Variants in CCDC85C observed in about 807,000 individuals in gnomAD.
CCDC85C encodes coiled-coil domain-containing protein 85C.
Under a neutral mutation model 38.3 loss-of-function variants are expected in CCDC85C, and 18 were observed. The ratio of observed to expected loss-of-function variants is 0.47; its 90% confidence interval spans 0.33 to 0.70. The LOEUF is 0.70. CCDC85C is among the 30% of genes least tolerant of loss of function. The probability of loss-of-function intolerance (pLI) is 0.03; values close to 1 mark genes in which losing one functional copy is unlikely to be tolerated. For missense variants in CCDC85C, 566 were observed against 621.2 expected, an observed-to-expected ratio of 0.91 and a Z score of 0.94; for synonymous variants, 264 against 293.8, an observed-to-expected ratio of 0.90 and a Z score of 1.04.
At chr14:99,536,160 G>A in intron 1 of CCDC85C, 72 bp from the exon 2 acceptor site, 1 of 1,065,386 alleles carries the variant, frequency 9.4e-7, no homozygotes, top group Non-Finnish European at 1.4e-6. Context: ...ACCCCGACTG[G>A]CCCCAGACCC....
rs974176589 is a variant in CCDC85C, at chr14:99,516,215, C to T, written c.1143G>A (p.Glu381=). The part of the protein sequence containing the change: ...DSCEEDLSEK[E]KAIVREMCNV... ...TGCACATCTCGCGAACGATGGCCTTCTCCTTCTCACTCAGGTCCTCCTCAC... is the reference window on the plus strand; with the variant it reads ...TGCACATCTCGCGAACGATGGCCTTTTCCTTCTCACTCAGGTCCTCCTCAC... Residue 381 remains glutamate, a synonymous_variant, in exon 5 of 6, where the codon GAG becomes GAA. Coordinates refer to ENST00000380243, the MANE Select transcript of CCDC85C (RefSeq NM_001144995.2). The surrounding 1 kb of genome is among the most constrained non-coding windows in gnomAD (Gnocchi z 5.5). 15 of 1,551,220 alleles carry T rather than the reference C, an allele frequency of 9.7e-6. No homozygotes were observed. Among genetic ancestry groups the T allele is most frequent in the Non-Finnish European group, 1.2e-5 (14 of 1,146,952 alleles).
rs778352010 is a variant in CCDC85C, at chr14:99,501,320, A to G, written c.*13926T>C. On this transcript the variant is annotated 3_prime_UTR_variant, in exon 6 of 6. Transcript: ENST00000380243. Reference sequence around the variant, plus strand: ...CTTGATGCTGCCTGTGAATTTTTCTATTGCTATTAATTTACCTTTTTGTCC... The same window carrying G: ...CTTGATGCTGCCTGTGAATTTTTCTGTTGCTATTAATTTACCTTTTTGTCC... The G allele has an allele frequency of 2.7e-5, 37 of 1,367,078 alleles. No individual in the cohort carries two copies. In the African/African-American group the frequency reaches 4.3e-4, roughly 16 times the overall value. 84.7% of individuals were successfully genotyped at this position (1,367,078 alleles called of 1,614,324 possible).
rs1595325494 is a variant in CCDC85C at position 99,507,199 on chromosome 14, T to C, written c.*8047A>G. The C allele has an allele frequency of 1.9e-6, 2 of 1,072,532 alleles. No homozygotes were observed. The highest frequency in any genetic ancestry group is 4.7e-5 in the East Asian group (2 of 42,514). The allele number at this position is 1,072,532 out of a possible 1,614,324, so 66.4% of individuals were successfully genotyped here. On this transcript the variant is annotated 3_prime_UTR_variant, in exon 6 of 6. Coordinates refer to ENST00000380243, the MANE Select transcript of CCDC85C (RefSeq NM_001144995.2). ...CAGCTGTGCACATCGCCTCTGAATG[T>C]TGGACGCAGCAGGTCCTGGGAACTT...
chr14:99,577,521 C>T (rs959671551), intron 1 of CCDC85C, among the ~76,000 whole-genome samples: 19 of 151,878 alleles, frequency 1.3e-4, no homozygotes, highest in African/African-American at 3.9e-4. Context: ...AAATGGGCTC[C>T]GGGACACCCC....
Position 99,502,064 on chromosome 14 carries a change from CTT to C in CCDC85C, c.*13180_*13181del, listed in dbSNP as rs55746165. The stretch of plus-strand genomic sequence containing the variant: ...TCGGGTACCTTTAGAAGAGTAAAGA[CTT>C]GAGTTTATTTATTTATAGTACTTTA... On this transcript the variant is annotated 3_prime_UTR_variant, in exon 6 of 6. Transcript: ENST00000380243. 0.43 allele frequency: 392,845 copies of C among 918,458 alleles called. 85,667 individuals are homozygous for C. The highest frequency in any genetic ancestry group is 0.56 in the East Asian group (19,292 of 34,468). The allele number at this position is 918,458 out of a possible 1,614,324, so 56.9% of individuals were successfully genotyped here.
At chr14:99,580,008 A>G (rs903630736) in intron 1 of CCDC85C, 10 of 455,124 alleles carry the variant, frequency 2.2e-5, no homozygotes, top group Admixed American at 1.4e-4. Context: ...CAAACCCCAC[A>G]TACCCCACAT....
At position 99,503,214 on chromosome 14, in the gene CCDC85C, G is replaced by T; in HGVS notation, c.*12032C>A. 1 of 685,256 alleles carries T rather than the reference G, an allele frequency of 1.5e-6. No homozygotes were observed. The highest frequency in any genetic ancestry group is 2.7e-5 in the East Asian group (1 of 37,080). 42.4% of individuals were successfully genotyped at this position (685,256 alleles called of 1,614,324 possible). ...CTCTCTGCCCGGCTCCAGCCCTGCT[G>T]CCTGTTTCATCCCTGCCAGGGTTCT... is the stretch of plus-strand genomic sequence containing the variant. On this transcript the variant is annotated 3_prime_UTR_variant, in exon 6 of 6. Coordinates refer to ENST00000380243, the MANE Select transcript of CCDC85C (RefSeq NM_001144995.2).
At chr14:99,563,522 G>A (rs966365081) in intron 1 of CCDC85C, among the ~76,000 whole-genome samples, 1 of 152,274 alleles carries the variant, frequency 6.6e-6, no homozygotes, top group East Asian at 1.9e-4. Flanking sequence ...AACTCGGGCA[G>A]GTACATCCCC....
In CCDC85C at chr14:99,545,812, G is replaced by A. The variant is rs1355671388; in HGVS notation, c.794-9724C>T. 6.6e-6 allele frequency among the ~76,000 whole-genome samples: 1 copy of A among 152,076 alleles called. No homozygotes were observed. Among genetic ancestry groups the A allele is most frequent in the Non-Finnish European group, 1.5e-5 (1 of 68,024 alleles). ...CTTTTAAAATCTGATCTCTTCCCCT[G>A]AGACTAACTGGACACTCTAGGGGAG... On this transcript the variant is annotated intron_variant, in intron 1 of 5. Transcript: ENST00000380243. The surrounding 1 kb of genome is among the most constrained non-coding windows in gnomAD (Gnocchi z 4.7).
intron 1 of CCDC85C, among the ~76,000 whole-genome samples, chr14:99,579,072 C>T (rs1278516536): frequency 6.6e-6 from 1 of 152,204 alleles, no homozygotes; most frequent in Non-Finnish European, 1.5e-5. Context: ...AGGCACAGAG[C>T]CCAAGAGAGG....
intron 1 of CCDC85C, among the ~76,000 whole-genome samples, chr14:99,586,199 C>T (rs1224257980): frequency 2.0e-5 from 3 of 152,228 alleles, no homozygotes; most frequent in South Asian, 2.1e-4. Context: ...ACTCTGCCCC[C>T]GCCCCTCCCT....
At chr14:99,578,983 C>T (rs2054935233) in intron 1 of CCDC85C, among the ~76,000 whole-genome samples, 1 of 152,194 alleles carries the variant, frequency 6.6e-6, no homozygotes, top group Admixed American at 6.5e-5. Flanking sequence ...GGAGGGTGCT[C>T]TCTTACCAAC....
chr14:99,568,679 G>A (rs527989837), intron 1 of CCDC85C, among the ~76,000 whole-genome samples: 127 of 152,288 alleles, frequency 8.3e-4, no homozygotes, highest in African/African-American at 2.7e-3. Context: ...GCTGGGCCTC[G>A]CTCGGGGCAG....
chr14:99,552,457 G>A (rs1272340792), intron 1 of CCDC85C, among the ~76,000 whole-genome samples: 1 of 152,208 alleles, frequency 6.6e-6, no homozygotes, highest in Non-Finnish European at 1.5e-5. Context: ...GTCTGTGCTG[G>A]CTGAGTGTGT....
rs766798032 is a variant in CCDC85C, at chr14:99,579,986, G to A, written c.793+23181C>T. 18 of 453,024 alleles carry A rather than the reference G, an allele frequency of 4.0e-5. 1 individual carries two copies. Among genetic ancestry groups the A allele is most frequent in the East Asian group, 2.1e-4 (3 of 14,226 alleles). The allele number at this position is 453,024 out of a possible 1,614,324, so 28.1% of individuals were successfully genotyped here. A position where few individuals can be genotyped will look rare whatever the true frequency, so the allele number is the denominator to read the frequency against. On this transcript the variant is annotated intron_variant, in intron 1 of 5. Transcript: ENST00000380243. ...GTAGGGCATTAATCACCTCAGCAGC[G>A]GACCACCATGACAAACCCCACATAC... is the stretch of plus-strand genomic sequence containing the variant.
chr14:99,577,589 T>C (rs1213640747), intron 1 of CCDC85C, among the ~76,000 whole-genome samples: 1 of 151,966 alleles, frequency 6.6e-6, no homozygotes, highest in Non-Finnish European at 1.5e-5. Context: ...AGGTGCAGGA[T>C]GGGGTGGGAA....
At chr14:99,541,245 G>A (rs1183515790) in intron 1 of CCDC85C, among the ~76,000 whole-genome samples, 2 of 152,286 alleles carry the variant, frequency 1.3e-5, no homozygotes, top group East Asian at 1.9e-4. Context: ...CCACCAGAAG[G>A]AGTAGCTGCA....
chr14:99,516,736 G>A lies in CCDC85C; in HGVS notation c.1071+352C>T, dbSNP rs943336402. On this transcript the variant is annotated intron_variant, in intron 4 of 5. Transcript: ENST00000380243. The surrounding 1 kb of genome is among the most constrained non-coding windows in gnomAD (Gnocchi z 5.5). ...CAGCCTGGAGGAACCGGAGCCCATC[G>A]GACTCACCAGTCTGCACCTGCAGAG... 2.6e-5 allele frequency among the ~76,000 whole-genome samples: 4 copies of A among 152,104 alleles called. No homozygotes were observed. The highest frequency in any genetic ancestry group is 7.2e-5 in the African/African-American group (3 of 41,402).
chr14:99,523,379 G>T (rs1260477146), intron 2 of CCDC85C, among the ~76,000 whole-genome samples: 2 of 152,182 alleles, frequency 1.3e-5, no homozygotes, highest in African/African-American at 4.8e-5. Flanking sequence ...CTGAGGTCCA[G>T]CTCTTGTGTT....
Sources: allele counts gnomAD v4.1 joint callset (sites outside exome capture counted in the v4.1 genomes callset), GRCh38; gene constraint gnomAD v4.1.1; non-coding constraint Gnocchi (gnomAD v3.1); transcripts MANE v1.5; gene names NCBI Gene and HGNC (gene_info 2026-07-23, HGNC 2026-07-21).